The following PRRG1 variants were observed in gnomAD, a reference collection of about 807,000 sequenced individuals.
PRRG1 encodes transmembrane gamma-carboxyglutamic acid protein 1.
In PRRG1, 5 loss-of-function variants were observed where a neutral mutation model predicts 11.8. The observed-to-expected ratio is 0.42, with a 90% CI of 0.22 to 0.89. The LOEUF (loss-of-function observed/expected upper bound fraction) is 0.89. Ranked by LOEUF, PRRG1 falls within the 40% of genes least tolerant of loss-of-function variation. The pLI is 0.28. For missense variants in PRRG1, 155 were observed against 166.1 expected (o/e 0.93, Z 0.37); for synonymous variants, 66 against 60.4 (o/e 1.09, Z -0.43).
At chrX:37,399,342 A>C (rs782006701) in intron 1 of PRRG1, among the ~76,000 whole-genome samples, 1,546 of 109,544 alleles carry the variant, frequency 0.014, 12 homozygotes, top group Non-Finnish European at 0.019. Flanking sequence ...TTCTTAAAGA[A>C]AAGAATTTTC....
chrX:37,389,420 A>C (rs1556376034), intron 1 of PRRG1, among the ~76,000 whole-genome samples: 2 of 111,650 alleles, frequency 1.8e-5, no homozygotes, highest in African/African-American at 6.5e-5. Context: ...AACAAGGTTT[A>C]ATTGGGTCAT....
chrX:37,387,982 A>G (rs185859662), intron 1 of PRRG1, among the ~76,000 whole-genome samples: 133 of 112,218 alleles, frequency 1.2e-3, no homozygotes, highest in Non-Finnish European at 1.7e-3. Context: ...GGGAGAAATC[A>G]ATCAAAAGAA....
chrX:37,359,533 G>A lies in PRRG1; in HGVS notation c.-42+10138G>A, dbSNP rs782030515. ...ATAATTTTTTTATATATGGTTGGTG[G>A]ATACAATTGATAATATTTTGTTGAG... is the stretch of plus-strand genomic sequence containing the variant. On this transcript the variant is annotated intron_variant, in intron 1 of 3. Coordinates refer to ENST00000378628, the MANE Select transcript of PRRG1 (RefSeq NM_001142395.2). Among the ~76,000 whole-genome samples, 4 of 111,028 alleles carry A rather than the reference G, an allele frequency of 3.6e-5. No homozygotes were observed. The South Asian group carries it at 1.5e-3, about 42-fold the overall frequency.
intron 1 of PRRG1, among the ~76,000 whole-genome samples, chrX:37,374,775 C>G (rs1394799098): frequency 9.0e-6 from 1 of 111,082 alleles, no homozygotes; most frequent in African/African-American, 3.3e-5. Flanking sequence ...TCCTATTTCT[C>G]TACTGAGGTT....
At position 37,437,352 on chromosome X, in the gene PRRG1, G is replaced by C. The variant is rs1319920643; in HGVS notation, c.171+11352G>C. Among the ~76,000 whole-genome samples, 5 of 111,641 alleles carry C rather than the reference G, an allele frequency of 4.5e-5. No individual in the cohort carries two copies. In the East Asian group the frequency reaches 1.4e-3, roughly 31 times the overall value. On this transcript the variant is annotated intron_variant, in intron 3 of 3. Coordinates refer to ENST00000378628, the MANE Select transcript of PRRG1 (RefSeq NM_001142395.2). ...CCCATGCCAGCAGTATGTTAACCTT[G>C]ACCTATAAAGTTACCTCAGCAAGTT...
At chrX:37,452,604 T>G (rs1373087169) in intron 3 of PRRG1, among the ~76,000 whole-genome samples, 1 of 111,446 alleles carries the variant, frequency 9.0e-6, no homozygotes, top group Non-Finnish European at 1.9e-5. Flanking sequence ...ACTTTGGGGT[T>G]GGAGAGGGAG....
intron 3 of PRRG1, among the ~76,000 whole-genome samples, chrX:37,450,991 G>C (rs868946306): frequency 1.2e-5 from 1 of 81,868 alleles, no homozygotes; most frequent in Admixed American, 1.2e-4. Flanking sequence ...CATTTTTGCT[G>C]TTTTTGTTTT....
intron 3 of PRRG1, among the ~76,000 whole-genome samples, chrX:37,438,198 A>C (rs1932910957): frequency 9.0e-6 from 1 of 110,600 alleles, no homozygotes; most frequent in South Asian, 3.9e-4. Context: ...GTGACAGAGC[A>C]AGACTCCATC....
intron 1 of PRRG1, among the ~76,000 whole-genome samples, chrX:37,391,781 T>C (rs1931545076): frequency 8.9e-6 from 1 of 112,327 alleles, no homozygotes; most frequent in Non-Finnish European, 1.9e-5. Flanking sequence ...TGCAATGACG[T>C]TTTTATTCAC....
intron 3 of PRRG1, among the ~76,000 whole-genome samples, chrX:37,436,286 AACTGAGTT>A (rs1403846070): frequency 2.7e-4 from 30 of 112,128 alleles, no homozygotes; most frequent in African/African-American, 9.7e-4. Context: ...ATATTTTAGA[AACTGAGTT>A]ATTGATATCC....
intron 3 of PRRG1, among the ~76,000 whole-genome samples, chrX:37,427,114 T>C (rs181051594): frequency 3.6e-5 from 4 of 112,047 alleles, no homozygotes; most frequent in African/African-American, 1.3e-4. Flanking sequence ...GATATTGTGT[T>C]TTATCAAATA....
At chrX:37,394,015 C>T (rs901144413) in intron 1 of PRRG1, among the ~76,000 whole-genome samples, 16 of 111,717 alleles carry the variant, frequency 1.4e-4, no homozygotes, top group Non-Finnish European at 2.6e-4. Flanking sequence ...TTTTAAAAAA[C>T]CCAGTCCTAA....
chrX:37,356,898 A>G (rs1481803692), intron 1 of PRRG1, among the ~76,000 whole-genome samples: 4 of 111,151 alleles, frequency 3.6e-5, no homozygotes, highest in African/African-American at 1.3e-4. Context: ...ATGAACCTCC[A>G]TTGACATATC....
At chrX:37,403,686 AACAC>A (rs201177735) in intron 1 of PRRG1, 2 of 563,513 alleles carry the variant, frequency 3.5e-6, no homozygotes, top group African/African-American at 5.2e-5. Flanking sequence ...AATGAATCTT[AACAC>A]ACACACACAG....
intron 1 of PRRG1, among the ~76,000 whole-genome samples, chrX:37,374,489 T>C: frequency 8.9e-6 from 1 of 111,755 alleles, no homozygotes; most frequent in South Asian, 3.7e-4. Context: ...TTCAAATATA[T>C]TTTATGTCCC....
rs1921350732 is a variant in PRRG1, at chrX:37,456,160, T to C, written c.*2539T>C. On this transcript the variant is annotated 3_prime_UTR_variant, in exon 4 of 4. Coordinates refer to ENST00000378628, the MANE Select transcript of PRRG1 (RefSeq NM_001142395.2). Reference sequence around the variant, plus strand: ...ATACTTTAAAAATTTTCAGGTTTTTTTAGTATGGTGAATATTGATAGATAT... The same window carrying C: ...ATACTTTAAAAATTTTCAGGTTTTTCTAGTATGGTGAATATTGATAGATAT... 8.9e-6 allele frequency: 1 copy of C among 111,976 alleles called. No individual in the cohort carries two copies. The highest frequency in any genetic ancestry group is 3.7e-4 in the South Asian group (1 of 2,695). The allele number at this position is 111,976 out of a possible 1,213,427, so 9.2% of individuals were successfully genotyped here.
chrX:37,441,339 G>A (rs1194557978), intron 3 of PRRG1: 1 of 754,533 alleles, frequency 1.3e-6, no homozygotes, highest in African/African-American at 2.3e-5. Flanking sequence ...TCACTGGGTT[G>A]CACATGGAAC....
At chrX:37,408,238 A>G (rs1414681759) in intron 2 of PRRG1, among the ~76,000 whole-genome samples, 1 of 110,718 alleles carries the variant, frequency 9.0e-6, no homozygotes, top group Non-Finnish European at 1.9e-5. Context: ...GAGTGGTTTT[A>G]AGTAGTGGAG....
intron 1 of PRRG1, among the ~76,000 whole-genome samples, chrX:37,361,822 A>G (rs1930424464): frequency 8.9e-6 from 1 of 112,159 alleles, no homozygotes; most frequent in African/African-American, 3.2e-5. Context: ...CCAATTTTGT[A>G]AAAAAATCTA....
Sources: gnomAD v4.1 joint callset for allele counts (sites outside exome capture counted in the v4.1 genomes callset) on GRCh38, gnomAD v4.1.1 for gene constraint, MANE v1.5 for transcripts, NCBI Gene and HGNC (gene_info 2026-07-23, HGNC 2026-07-21) for gene names.